ARHGAP21: variants seen among roughly 807,000 people sequenced by gnomAD.
ARHGAP21 encodes rho GTPase-activating protein 21.
A neutral mutation model predicts 164.6 loss-of-function variants in ARHGAP21; 38 were observed. The observed-to-expected ratio is 0.23, with a 90% CI of 0.18 to 0.30. The LOEUF (loss-of-function observed/expected upper bound fraction) is 0.30. Among genes scored for constraint, ARHGAP21 ranks in the 10% least tolerant of loss-of-function variants. The probability of loss-of-function intolerance (pLI) is 1.00; values close to 1 mark genes in which losing one functional copy is unlikely to be tolerated. For synonymous variants in ARHGAP21, 766 were observed against 857.9 expected, an observed-to-expected ratio of 0.89 and a Z score of 1.87; for missense variants, 1,822 against 2,370.7, an observed-to-expected ratio of 0.77 and a Z score of 4.81.
intron 4 of ARHGAP21, among the ~76,000 whole-genome samples, chr10:24,642,531 AAAAAGGAAG>A (rs1837177107): frequency 6.6e-6 from 1 of 151,730 alleles, no homozygotes; most frequent in Non-Finnish European, 1.5e-5. Flanking sequence ...AAAAAAAAAA[AAAAAGGAAG>A]AAACAAAATC....
chr10:24,584,535 A>G lies in ARHGAP21; in HGVS notation c.5754T>C (p.Pro1918=), dbSNP rs748518048. The G allele has an allele frequency of 1.9e-6, 3 of 1,613,862 alleles. No individual in the cohort carries two copies. The African/African-American group carries it at 4.0e-5, about 22-fold the overall frequency. The change falls in exon 26 of 26, where the codon CCT becomes CCC. Residue 1918 remains proline, a synonymous_variant. Coordinates refer to ENST00000396432, the MANE Select transcript of ARHGAP21 (RefSeq NM_020824.4). The stretch of plus-strand genomic sequence containing the variant: ...GGAAGCTTTCTCCGTTTATTTGGTC[A>G]GGTGACTGTGGTGGTATGGAAAGAA... The part of the protein sequence containing the change: ...RPLLSIPPQS[P]DQINGESFQN...
At chr10:24,685,222 G>C (rs1186034197) in intron 2 of ARHGAP21, among the ~76,000 whole-genome samples, 3 of 152,100 alleles carry the variant, frequency 2.0e-5, no homozygotes, top group Non-Finnish European at 4.4e-5. Flanking sequence ...CCTAAAGGCA[G>C]AAAGAGCCAA....
chr10:24,608,855 G>A (rs906538219), intron 9 of ARHGAP21, among the ~76,000 whole-genome samples: 5 of 151,662 alleles, frequency 3.3e-5, no homozygotes, highest in Middle Eastern at 6.4e-3. Context: ...CTAAGTATAC[G>A]ACAGTTTACT....
chr10:24,628,526 T>C (rs1029396150), intron 7 of ARHGAP21, among the ~76,000 whole-genome samples: 3 of 152,094 alleles, frequency 2.0e-5, no homozygotes, highest in Non-Finnish European at 4.4e-5. Context: ...CCATTTCCAT[T>C]ACCACGACAA....
intron 4 of ARHGAP21, among the ~76,000 whole-genome samples, chr10:24,637,512 C>G (rs1836502359): frequency 6.6e-6 from 1 of 152,140 alleles, no homozygotes; most frequent in South Asian, 2.1e-4. Flanking sequence ...TCCACTGTGT[C>G]TCAAAGGTGA....
At chr10:24,609,673 T>C (rs890299221) in intron 9 of ARHGAP21, among the ~76,000 whole-genome samples, 1 of 152,206 alleles carries the variant, frequency 6.6e-6, no homozygotes, top group Non-Finnish European at 1.5e-5. Flanking sequence ...GGTTTAAAAA[T>C]ACTGTGTTCG....
intron 25 of ARHGAP21, among the ~76,000 whole-genome samples, chr10:24,588,796 G>C (rs528892184): frequency 1.1e-3 from 166 of 152,272 alleles, no homozygotes; most frequent in Non-Finnish European, 2.1e-3. Context: ...AGACTATACT[G>C]TCTGTAAAAA....
intron 2 of ARHGAP21, among the ~76,000 whole-genome samples, chr10:24,701,293 T>C (rs888033767): frequency 2.0e-5 from 3 of 152,188 alleles, no homozygotes; most frequent in African/African-American, 7.2e-5. Flanking sequence ...TATCTCCTTG[T>C]CGTTTCCAGT....
chr10:24,677,265 T>C lies in ARHGAP21; in HGVS notation c.64-6868A>G, dbSNP rs116646358. Among the ~76,000 whole-genome samples, 1,332 of 152,308 alleles carry C rather than the reference T, an allele frequency of 8.7e-3. 16 individuals are homozygous for C. The highest frequency in any genetic ancestry group is 0.029 in the African/African-American group (1,185 of 41,576). ...CCTCATTCTTTCTCTGCAAGCTCCA[T>C]TGTCTTTTCAAATCTATTTTTCCTG... On this transcript the variant is annotated intron_variant, in intron 2 of 25. Coordinates refer to ENST00000396432, the MANE Select transcript of ARHGAP21 (RefSeq NM_020824.4).
At chr10:24,618,680 G>A (rs1395393420) in intron 9 of ARHGAP21, among the ~76,000 whole-genome samples, 1 of 152,182 alleles carries the variant, frequency 6.6e-6, no homozygotes, top group Non-Finnish European at 1.5e-5. Flanking sequence ...GATGCACATG[G>A]AAGATTGTGA....
Position 24,621,322 on chromosome 10 carries a change from G to A in ARHGAP21, c.573C>T (p.Gly191=), listed in dbSNP as rs1309123184. 6.2e-7 allele frequency: 1 copy of A among 1,609,488 alleles called. No individual in the cohort carries two copies. Among genetic ancestry groups the A allele is most frequent in the Non-Finnish European group, 8.5e-7 (1 of 1,177,554 alleles). The change falls in exon 9 of 26, where the codon GGC becomes GGT. Residue 191 remains glycine, a synonymous_variant. Coordinates refer to ENST00000396432, the MANE Select transcript of ARHGAP21 (RefSeq NM_020824.4). ...GAGGTTCAGGTATATTGCGGGCATT[G>A]CCGCTATAAGCTTCGTTGCCTTTCA... ...AYLKGNEAYS[G]NARNIPEPPP...
intron 3 of ARHGAP21, among the ~76,000 whole-genome samples, chr10:24,668,718 C>T (rs1163422212): frequency 2.6e-5 from 4 of 151,758 alleles, no homozygotes; most frequent in East Asian, 3.9e-4. Context: ...CACTTAAATA[C>T]GTTTCACATA....
At chr10:24,671,564 G>A (rs927037180) in intron 2 of ARHGAP21, among the ~76,000 whole-genome samples, 1 of 151,996 alleles carries the variant, frequency 6.6e-6, no homozygotes, top group African/African-American at 2.4e-5. Flanking sequence ...ATTCTCACAA[G>A]GCCCCAGCAG....
intron 4 of ARHGAP21, among the ~76,000 whole-genome samples, chr10:24,664,859 T>C (rs993365950): frequency 6.6e-6 from 1 of 152,174 alleles, no homozygotes; most frequent in Non-Finnish European, 1.5e-5. Flanking sequence ...ATCTTCTAGT[T>C]TTCCCTTATA....
At chr10:24,597,420 T>TAG in intron 16 of ARHGAP21, 27 bp downstream of exon 16, 2 of 1,601,050 alleles carry the variant, frequency 1.2e-6, no homozygotes, top group Non-Finnish European at 1.7e-6. Context: ...TCATTATATT[T>TAG]ATTTGTTAGA....
intron 3 of ARHGAP21, among the ~76,000 whole-genome samples, chr10:24,669,055 T>C (rs1406636136): frequency 6.6e-6 from 1 of 152,204 alleles, no homozygotes; most frequent in Non-Finnish European, 1.5e-5. Flanking sequence ...AGTTGTTTTA[T>C]ACACATTTGA....
rs1214985835 is a variant in ARHGAP21 at position 24,620,084 on chromosome 10, C to A, written c.1811G>T (p.Gly604Val). The change falls in exon 9 of 26, where the codon GGA becomes GTA. Residue 604 changes from glycine to valine, a missense_variant. By Grantham distance (109) the Gly-to-Val change is moderately radical (BLOSUM62 -3). Around this residue, in one of 5 missense-constraint regions of ARHGAP21, gnomAD observed 1,090 missense variants for 1,378.9 expected, o/e 0.79. Transcript: ENST00000396432. ...QSNRNFQTTCGMSLPRGISQD... is the reference protein window; with the variant it reads ...QSNRNFQTTCVMSLPRGISQD... ...TGAAATACCCCGAGGCAGTGACATTCCACAAGTAGTCTGAAAATTTCTGTT... is the reference window on the plus strand; with the variant it reads ...TGAAATACCCCGAGGCAGTGACATTACACAAGTAGTCTGAAAATTTCTGTT... 1.5e-5 allele frequency: 25 copies of A among 1,613,818 alleles called. No homozygotes were observed. The highest frequency in any genetic ancestry group is 2.1e-5 in the Non-Finnish European group (25 of 1,179,876).
At chr10:24,657,334 G>C (rs1414730895) in intron 4 of ARHGAP21, among the ~76,000 whole-genome samples, 2 of 58,490 alleles carry the variant, frequency 3.4e-5, no homozygotes, top group Non-Finnish European at 6.5e-5. Context: ...CAGCCGCCCC[G>C]TCCGGGAGGT....
intron 4 of ARHGAP21, among the ~76,000 whole-genome samples, chr10:24,660,336 A>G (rs941087688): frequency 7.4e-6 from 1 of 135,212 alleles, no homozygotes; most frequent in Non-Finnish European, 1.5e-5. Context: ...GTGAGCTATC[A>G]TCATGCCACT....
Sources: allele counts gnomAD v4.1 joint callset (sites outside exome capture counted in the v4.1 genomes callset), GRCh38; gene constraint gnomAD v4.1.1; regional missense constraint gnomAD v4.1.1; transcripts MANE v1.5; gene names NCBI Gene and HGNC (gene_info 2026-07-23, HGNC 2026-07-21).